Variants in INVS observed in about 807,000 individuals in gnomAD.
INVS encodes inversin.
In INVS, 86 loss-of-function variants were observed where a neutral mutation model predicts 108.8. That is an observed-to-expected ratio of 0.79 (90% confidence interval 0.66 to 0.95). INVS has a LOEUF of 0.95. Among genes scored for constraint, INVS ranks in the 40% least tolerant of loss-of-function variants. INVS has a pLI of 0.00. For missense variants in INVS, 1,169 were observed against 1,297.4 expected, an observed-to-expected ratio of 0.90 and a Z score of 1.52; for synonymous variants, 455 against 473.5, an observed-to-expected ratio of 0.96 and a Z score of 0.51.
chr9:100,223,161 T>G (rs1212616377), intron 3 of INVS, among the ~76,000 whole-genome samples: 1 of 151,876 alleles, frequency 6.6e-6, no homozygotes, highest in African/African-American at 2.4e-5. Context: ...AGTGGTGCAA[T>G]CTCAGCTTAC....
At position 100,226,307 on chromosome 9, in the gene INVS, A is replaced by G. The variant is rs528036309; in HGVS notation, c.447+72A>G. 1.1e-4 allele frequency: 148 copies of G among 1,323,994 alleles called. 1 individual carries two copies. Among genetic ancestry groups the G allele is most frequent in the South Asian group, 8.1e-4 (65 of 80,600 alleles). 82.0% of individuals were successfully genotyped at this position (1,323,994 alleles called of 1,614,324 possible). The stretch of plus-strand genomic sequence containing the variant: ...GCTTCCTTTTATGATGTGAAATTTC[A>G]AGGAAGAAGGCCTGAATTACCACAT... On this transcript the variant is annotated intron_variant, in intron 4 of 16. Coordinates refer to ENST00000262457, the MANE Select transcript of INVS (RefSeq NM_014425.5).
chr9:100,264,889 T>C lies in INVS; in HGVS notation c.1532T>C (p.Phe511Ser). 1 of 1,613,874 alleles carries C rather than the reference T, an allele frequency of 6.2e-7. No homozygotes were observed. Among genetic ancestry groups the C allele is most frequent in the Non-Finnish European group, 8.5e-7 (1 of 1,179,822 alleles). The stretch of plus-strand genomic sequence containing the variant: ...GATGCCATTAAATTACTGCTAGACT[T>C]TGCTGCTTTCCCTAATCAGATGGAA... ...YLDAIKLLLD[F>S]AAFPNQMENN... The change falls in exon 11 of 17, where the codon TTT becomes TCT. Residue 511 changes from phenylalanine (F) to serine (S), a missense_variant. Phe to Ser is a radical substitution (Grantham distance 155). Coordinates refer to ENST00000262457, the MANE Select transcript of INVS (RefSeq NM_014425.5).
At chr9:100,152,109 C>T (rs1365649754) in intron 3 of INVS, among the ~76,000 whole-genome samples, 1 of 152,182 alleles carries the variant, frequency 6.6e-6, no homozygotes, top group Non-Finnish European at 1.5e-5. Flanking sequence ...TCCTCCAGTA[C>T]CTTGTGTACT....
At chr9:100,162,113 A>T (rs569859056) in intron 3 of INVS, among the ~76,000 whole-genome samples, 20 of 152,342 alleles carry the variant, frequency 1.3e-4, no homozygotes, top group African/African-American at 4.6e-4. Flanking sequence ...AATAATAAGT[A>T]ACGGGCTGGT....
chr9:100,287,269 A>G (rs1440929458), intron 13 of INVS, among the ~76,000 whole-genome samples: 2 of 152,246 alleles, frequency 1.3e-5, no homozygotes, highest in African/African-American at 2.4e-5. Context: ...CAGCATTTTC[A>G]GAAAGCGAAG....
chr9:100,282,820 G>A (rs1378285066), intron 12 of INVS, among the ~76,000 whole-genome samples: 1 of 152,170 alleles, frequency 6.6e-6, no homozygotes, highest in Non-Finnish European at 1.5e-5. Flanking sequence ...GTGGTATAGT[G>A]AACAGTCCAT....
At chr9:100,277,473 G>GATGAAAA (rs1175183584) in intron 12 of INVS, among the ~76,000 whole-genome samples, 1 of 152,170 alleles carries the variant, frequency 6.6e-6, no homozygotes, top group Non-Finnish European at 1.5e-5. Flanking sequence ...TCAGTAAAAT[G>GATGAAAA]GAAAGAGGTT....
chr9:100,278,231 CAAA>C (rs750217205), intron 12 of INVS, among the ~76,000 whole-genome samples: 5 of 83,100 alleles, frequency 6.0e-5, no homozygotes, highest in Admixed American at 1.6e-4. Context: ...GACCCTGTCT[CAAA>C]AAAAAAAAAA....
intron 3 of INVS, chr9:100,129,749 G>T (rs1461311979): frequency 2.9e-6 from 2 of 688,816 alleles, no homozygotes; most frequent in African/African-American, 1.8e-5. Flanking sequence ...CGTAAAGTGA[G>T]TACCACATTC....
chr9:100,283,437 C>T (rs907654114), intron 12 of INVS, among the ~76,000 whole-genome samples: 2 of 152,176 alleles, frequency 1.3e-5, no homozygotes, highest in African/African-American at 4.8e-5. Flanking sequence ...ATTTCTGTAT[C>T]TTCAGTGCCC....
At chr9:100,121,255 A>G (rs1316573377) in intron 2 of INVS, among the ~76,000 whole-genome samples, 1 of 152,160 alleles carries the variant, frequency 6.6e-6, no homozygotes, top group Non-Finnish European at 1.5e-5. Context: ...TGATTAAGAG[A>G]CTTAATTACA....
chr9:100,115,346 G>A (rs1827480267), intron 2 of INVS, among the ~76,000 whole-genome samples: 1 of 151,282 alleles, frequency 6.6e-6, no homozygotes, highest in Non-Finnish European at 1.5e-5. Context: ...GGGTACATGT[G>A]CACAACGTGC....
At chr9:100,282,840 T>C (rs1242836307) in intron 12 of INVS, among the ~76,000 whole-genome samples, 1 of 152,224 alleles carries the variant, frequency 6.6e-6, no homozygotes, top group Non-Finnish European at 1.5e-5. Context: ...TATTAGACTT[T>C]CCTGTGCTCT....
chr9:100,242,821 A>C (rs766277232), intron 7 of INVS, 142 bp downstream of exon 7: 16 of 587,542 alleles, frequency 2.7e-5, no homozygotes, highest in Non-Finnish European at 4.6e-5. Context: ...TTATTTATTT[A>C]TTTATTTATT....
intron 10 of INVS, 99 bp downstream of exon 10, chr9:100,253,235 A>C: frequency 1.1e-6 from 1 of 881,424 alleles, no homozygotes; most frequent in Non-Finnish European, 1.8e-6. Context: ...CAAGATGAAG[A>C]GATCACCCAC....
At chr9:100,232,281 A>T (rs898124147) in intron 5 of INVS, among the ~76,000 whole-genome samples, 2 of 151,520 alleles carry the variant, frequency 1.3e-5, no homozygotes, top group African/African-American at 4.9e-5. Context: ...ATTGCAAAAT[A>T]TTTTCTCCCA....
At chr9:100,286,673 G>A (rs931153884) in intron 13 of INVS, among the ~76,000 whole-genome samples, 4 of 152,124 alleles carry the variant, frequency 2.6e-5, no homozygotes, top group African/African-American at 9.7e-5. Flanking sequence ...CATCCAACCA[G>A]CTTTAATTAA....
chr9:100,160,078 G>A (rs758897007), intron 3 of INVS, among the ~76,000 whole-genome samples: 1 of 152,134 alleles, frequency 6.6e-6, no homozygotes, highest in Non-Finnish European at 1.5e-5. Context: ...ATCTTATGAA[G>A]CCTTTCTACT....
intron 3 of INVS, among the ~76,000 whole-genome samples, chr9:100,147,999 C>G (rs971496153): frequency 4.0e-5 from 4 of 100,862 alleles, no homozygotes; most frequent in Non-Finnish European, 8.3e-5. Context: ...GTCTGGGCAA[C>G]AAAGCAAGAC....
Sources: allele counts gnomAD v4.1 joint callset (sites outside exome capture counted in the v4.1 genomes callset), GRCh38; gene constraint gnomAD v4.1.1; transcripts MANE v1.5; gene names NCBI Gene and HGNC (gene_info 2026-07-23, HGNC 2026-07-21).